The following PXDNL variants were observed in gnomAD, a reference collection of about 807,000 sequenced individuals.
PXDNL encodes probable oxidoreductase PXDNL.
A neutral mutation model predicts 150.8 loss-of-function variants in PXDNL; 145 were observed. That is an observed-to-expected ratio of 0.96 (90% confidence interval 0.84 to 1.10). The LOEUF (loss-of-function observed/expected upper bound fraction) is 1.10. PXDNL is among the 50% of genes least tolerant of loss of function. The pLI is 0.00. For synonymous variants in PXDNL, 757 were observed against 725.7 expected (o/e 1.04, Z -0.69); for missense variants, 2,087 against 1,873.9 (o/e 1.11, Z -2.10).
chr8:51,384,814 C>A (rs1807651559), intron 17 of PXDNL, among the ~76,000 whole-genome samples: 1 of 151,930 alleles, frequency 6.6e-6, no homozygotes, highest in Non-Finnish European at 1.5e-5. Flanking sequence ...ATGTGATAGT[C>A]ATCAAATTTT....
chr8:51,633,692 G>A (rs1180112712), intron 2 of PXDNL, among the ~76,000 whole-genome samples: 1 of 152,126 alleles, frequency 6.6e-6, no homozygotes, highest in South Asian at 2.1e-4. Context: ...GTGTGAAATA[G>A]TGTTTTACTG....
chr8:51,441,802 T>C (rs946151204), intron 12 of PXDNL, among the ~76,000 whole-genome samples: 3 of 152,036 alleles, frequency 2.0e-5, no homozygotes, highest in African/African-American at 7.2e-5. Context: ...TTAGCTGGGG[T>C]TGGTTCTAAG....
chr8:51,431,096 C>T (rs1390428363), intron 12 of PXDNL, among the ~76,000 whole-genome samples: 1 of 152,106 alleles, frequency 6.6e-6, no homozygotes, highest in Non-Finnish European at 1.5e-5. Flanking sequence ...ACCATTCTTA[C>T]CTCCCCTCCT....
chr8:51,698,241 T>C (rs1816185441), intron 1 of PXDNL, among the ~76,000 whole-genome samples: 2 of 152,200 alleles, frequency 1.3e-5, no homozygotes, highest in Admixed American at 1.3e-4. Flanking sequence ...TCAGATAGTA[T>C]TTTACCTACA....
rs1808504681 is a variant in PXDNL, at chr8:51,408,454, T to C, written c.3170A>G (p.His1057Arg). 1 of 1,613,890 alleles carries C rather than the reference T, an allele frequency of 6.2e-7. No homozygotes were observed. The highest frequency in any genetic ancestry group is 1.1e-5 in the South Asian group (1 of 91,078). Residue 1057 changes from histidine (H) to arginine (R), a missense_variant, in exon 17 of 23, where the codon CAC becomes CGC. His to Arg is a conservative substitution (Grantham distance 29). Transcript: ENST00000356297. Reference sequence around the variant, plus strand: ...GTAAAGAATAGGATTGATTAATGTGTGGCCAAATCTAAAGGCTGCAGTAGC... The same window carrying C: ...GTAAAGAATAGGATTGATTAATGTGCGGCCAAATCTAAAGGCTGCAGTAGC... ...SFATAAFRFG[H>R]TLINPILYRL... is the part of the protein sequence containing the mutation.
intron 3 of PXDNL, among the ~76,000 whole-genome samples, chr8:51,565,637 G>A (rs1812811409): frequency 6.6e-6 from 1 of 151,902 alleles, no homozygotes; most frequent in Non-Finnish European, 1.5e-5. Context: ...GGCTGAGACA[G>A]TGACACCTTT....
intron 4 of PXDNL, among the ~76,000 whole-genome samples, chr8:51,550,726 T>C (rs76594463): frequency 0.026 from 3,969 of 151,682 alleles, 96 homozygotes; most frequent in African/African-American, 0.06. Flanking sequence ...GCCAACATTA[T>C]ACTGAAAGCA....
chr8:51,586,862 G>A (rs78548999), intron 3 of PXDNL, among the ~76,000 whole-genome samples: 10,544 of 152,230 alleles, frequency 0.069, 457 homozygotes, highest in South Asian at 0.1. Context: ...CTATAATTCA[G>A]AGAAAATACT....
chr8:51,517,128 T>C (rs1428163679), intron 4 of PXDNL, among the ~76,000 whole-genome samples: 1 of 152,194 alleles, frequency 6.6e-6, no homozygotes, highest in Non-Finnish European at 1.5e-5. Context: ...TTGAATATTA[T>C]ATTTGCCCGG....
intron 12 of PXDNL, chr8:51,436,016 C>T (rs1176702753): frequency 1.9e-6 from 1 of 528,288 alleles, no homozygotes; most frequent in African/African-American, 1.9e-5. Context: ...CCTCATGGAC[C>T]ATCTGCTAAA....
At chr8:51,506,758 T>C (rs1196232647) in intron 4 of PXDNL, among the ~76,000 whole-genome samples, 1 of 152,100 alleles carries the variant, frequency 6.6e-6, no homozygotes, top group Non-Finnish European at 1.5e-5. Flanking sequence ...TGGTTCTTCC[T>C]GGAAAAATGC....
chr8:51,602,387 C>CT (rs36095910), intron 2 of PXDNL, among the ~76,000 whole-genome samples: 12,672 of 151,636 alleles, frequency 0.084, 613 homozygotes, highest in South Asian at 0.095. Flanking sequence ...CATTTTCTTC[C>CT]TTTTTTTTAA....
chr8:51,332,526 A>AT (rs1221064923), intron 21 of PXDNL, among the ~76,000 whole-genome samples: 1 of 152,194 alleles, frequency 6.6e-6, no homozygotes, highest in African/African-American at 2.4e-5. Flanking sequence ...TATTAAGCTA[A>AT]TCAGAGAGGG....
intron 2 of PXDNL, among the ~76,000 whole-genome samples, chr8:51,599,085 C>T (rs1813636098): frequency 6.6e-6 from 1 of 152,044 alleles, no homozygotes; most frequent in African/African-American, 2.4e-5. Context: ...TGTAATATCT[C>T]CTTTGTTATT....
intron 14 of PXDNL, among the ~76,000 whole-genome samples, chr8:51,423,052 A>G (rs1051860717): frequency 3.3e-5 from 5 of 152,364 alleles, no homozygotes; most frequent in Admixed American, 6.5e-5. Context: ...GGTTCCAGCT[A>G]TATAACCAGA....
intron 1 of PXDNL, among the ~76,000 whole-genome samples, chr8:51,702,519 C>T (rs1816277319): frequency 6.6e-6 from 1 of 152,166 alleles, no homozygotes; most frequent in Admixed American, 6.5e-5. Flanking sequence ...AACTAACACG[C>T]TCCCTTTTTC....
chr8:51,780,362 T>C (rs897322534), intron 1 of PXDNL, among the ~76,000 whole-genome samples: 1 of 152,296 alleles, frequency 6.6e-6, no homozygotes, highest in Non-Finnish European at 1.5e-5. Context: ...ATATATATTT[T>C]CTCAAAGAAA....
intron 17 of PXDNL, among the ~76,000 whole-genome samples, chr8:51,378,753 T>C (rs1807437100): frequency 6.7e-6 from 1 of 149,114 alleles, no homozygotes; most frequent in Non-Finnish European, 1.5e-5. Context: ...ACTCCACACG[T>C]GCGGCCTTAA....
intron 1 of PXDNL, among the ~76,000 whole-genome samples, chr8:51,709,455 C>T (rs940800727): frequency 6.6e-6 from 1 of 152,038 alleles, no homozygotes; most frequent in Admixed American, 6.6e-5. Flanking sequence ...AGGGTTTCAC[C>T]GTGTTCGCCA....
Sources: allele counts gnomAD v4.1 joint callset (sites outside exome capture counted in the v4.1 genomes callset), GRCh38; gene constraint gnomAD v4.1.1; transcripts MANE v1.5; gene names NCBI Gene and HGNC (gene_info 2026-07-23, HGNC 2026-07-21).